Variants in SLCO1A2 observed in about 807,000 individuals in gnomAD.
SLCO1A2 encodes OATP-1.
A neutral mutation model predicts 69.0 loss-of-function variants in SLCO1A2; 67 were observed. That is an observed-to-expected ratio of 0.97 (90% CI 0.80 to 1.19). The LOEUF (loss-of-function observed/expected upper bound fraction) is 1.19, where lower values mean the gene tolerates loss of function less well. SLCO1A2 is among the 50% of genes most tolerant of loss of function. The probability of loss-of-function intolerance (pLI) is 0.00; values close to 1 mark genes in which losing one functional copy is unlikely to be tolerated. For synonymous variants in SLCO1A2, 260 were observed against 265.9 expected (o/e 0.98, Z 0.22); for missense variants, 787 against 793.7 (o/e 0.99, Z 0.10).
At chr12:21,270,799 T>A (rs959830999) in intron 14 of SLCO1A2, among the ~76,000 whole-genome samples, 1 of 151,688 alleles carries the variant, frequency 6.6e-6, no homozygotes, top group African/African-American at 2.4e-5. Context: ...TGTTATAATA[T>A]CTGTACTTAT....
chr12:21,300,141 C>G (rs1948519921), intron 8 of SLCO1A2, among the ~76,000 whole-genome samples: 1 of 151,426 alleles, frequency 6.6e-6, no homozygotes, highest in Non-Finnish European at 1.5e-5. Flanking sequence ...AAATGCTGAT[C>G]TGAAATATTT....
intron 8 of SLCO1A2, 70 bp from the exon 9 acceptor site, chr12:21,297,638 A>G: frequency 1.0e-6 from 1 of 962,100 alleles, no homozygotes; most frequent in Non-Finnish European, 1.5e-6. Context: ...TTTTCCTGAA[A>G]CATCCACCTC....
chr12:21,408,713 CGTGTGTGTGTGTGTGTGT>C (rs3060712), intron 1 of SLCO1A2, among the ~76,000 whole-genome samples: 4 of 150,178 alleles, frequency 2.7e-5, no homozygotes, highest in African/African-American at 7.4e-5. Flanking sequence ...TCAGCGCATG[CGTGTGTGTGTGTGTGTGT>C]GTGTGTGTGT....
intron 2 of SLCO1A2, among the ~76,000 whole-genome samples, chr12:21,358,126 T>C (rs991513374): frequency 6.6e-6 from 1 of 152,126 alleles, no homozygotes; most frequent in Non-Finnish European, 1.5e-5. Flanking sequence ...TTTCACTTAA[T>C]AAACTTAAAA....
At chr12:21,411,267 G>A (rs947761677) in intron 1 of SLCO1A2, among the ~76,000 whole-genome samples, 8 of 152,116 alleles carry the variant, frequency 5.3e-5, no homozygotes, top group African/African-American at 1.7e-4. Context: ...TTTTTGATAT[G>A]TAAATCTTTA....
At chr12:21,290,967 A>G (rs1460155632) in intron 12 of SLCO1A2, among the ~76,000 whole-genome samples, 5 of 152,174 alleles carry the variant, frequency 3.3e-5, no homozygotes, top group African/African-American at 1.2e-4. Flanking sequence ...ATCAAGAAAA[A>G]CATAGGATGC....
At chr12:21,320,390 G>A (rs1951452924) in intron 2 of SLCO1A2, among the ~76,000 whole-genome samples, 1 of 152,036 alleles carries the variant, frequency 6.6e-6, no homozygotes, top group African/African-American at 2.4e-5. Context: ...TCCCTTTCCT[G>A]TACATAAAAT....
intron 1 of SLCO1A2, among the ~76,000 whole-genome samples, chr12:21,407,236 C>T (rs1225126254): frequency 6.6e-6 from 1 of 152,014 alleles, no homozygotes; most frequent in Non-Finnish European, 1.5e-5. Context: ...AGAGACAGAG[C>T]CCTTCAAGCG....
intron 2 of SLCO1A2, among the ~76,000 whole-genome samples, chr12:21,365,089 T>C (rs1382621335): frequency 1.3e-5 from 2 of 152,042 alleles, no homozygotes; most frequent in African/African-American, 2.4e-5. Flanking sequence ...TCATTGCCAA[T>C]ACGATCCTAA....
At chr12:21,381,457 C>A (rs1440188405) in intron 1 of SLCO1A2, among the ~76,000 whole-genome samples, 1 of 151,928 alleles carries the variant, frequency 6.6e-6, no homozygotes, top group Non-Finnish European at 1.5e-5. Flanking sequence ...AAATCAAAAC[C>A]ACAGTGAGAT....
intron 2 of SLCO1A2, 25 bp from the exon 3 acceptor site, chr12:21,318,948 T>G (rs1365858181): frequency 1.3e-6 from 2 of 1,545,744 alleles, no homozygotes; most frequent in African/African-American, 2.8e-5. Flanking sequence ...TAAGAAAACG[T>G]AGAAAAAATT....
intron 2 of SLCO1A2, among the ~76,000 whole-genome samples, chr12:21,344,992 T>C (rs190930960): frequency 1.1e-4 from 17 of 152,158 alleles, no homozygotes; most frequent in Non-Finnish European, 1.5e-4. Context: ...CCAAGGAGTT[T>C]ATTCATATAA....
chr12:21,296,107 G>A (rs891947468), intron 9 of SLCO1A2, among the ~76,000 whole-genome samples: 4 of 152,174 alleles, frequency 2.6e-5, no homozygotes, highest in African/African-American at 7.2e-5. Context: ...CCAGGTAGAA[G>A]TGGCAAGTCA....
chr12:21,374,739 CT>C (rs1023161091), intron 1 of SLCO1A2, among the ~76,000 whole-genome samples: 47 of 152,038 alleles, frequency 3.1e-4, no homozygotes, highest in African/African-American at 1.1e-3. Flanking sequence ...CTGTTTATAT[CT>C]TGATACTTTC....
At chr12:21,303,935 A>G (rs1949033215) in intron 6 of SLCO1A2, among the ~76,000 whole-genome samples, 2 of 152,222 alleles carry the variant, frequency 1.3e-5, no homozygotes, top group African/African-American at 4.8e-5. Context: ...TAAATATAGT[A>G]GAGAAGACAT....
intron 6 of SLCO1A2, 126 bp from the exon 7 acceptor site, chr12:21,301,395 A>G: frequency 2.1e-6 from 1 of 479,788 alleles, no homozygotes; most frequent in South Asian, 4.2e-5. Flanking sequence ...TACACAATTT[A>G]TATGAAGTTA....
intron 2 of SLCO1A2, among the ~76,000 whole-genome samples, chr12:21,352,124 C>G (rs1938008859): frequency 6.6e-6 from 1 of 152,146 alleles, no homozygotes; most frequent in African/African-American, 2.4e-5. Flanking sequence ...GCATCACCCC[C>G]ATACTCACTC....
At chr12:21,327,657 C>T (rs748698068) in intron 2 of SLCO1A2, among the ~76,000 whole-genome samples, 4 of 152,284 alleles carry the variant, frequency 2.6e-5, no homozygotes, top group Middle Eastern at 3.4e-3. Flanking sequence ...TTCAAACTTG[C>T]ATGGGGCCTC....
At chr12:21,320,416 C>T (rs1404662056) in intron 2 of SLCO1A2, among the ~76,000 whole-genome samples, 1 of 152,114 alleles carries the variant, frequency 6.6e-6, no homozygotes, top group Non-Finnish European at 1.5e-5. Context: ...CAATCTTGCT[C>T]TTGAATCCAT....
Sources: allele counts gnomAD v4.1 joint callset (sites outside exome capture counted in the v4.1 genomes callset), GRCh38; gene constraint gnomAD v4.1.1; transcripts MANE v1.5; gene names NCBI Gene and HGNC (gene_info 2026-07-23, HGNC 2026-07-21).